RNF13: variants seen among roughly 807,000 people sequenced by gnomAD.
The protein encoded by RNF13 is E3 ubiquitin-protein ligase RNF13.
A neutral mutation model predicts 37.7 loss-of-function variants in RNF13; 19 were observed. The observed-to-expected ratio is 0.50, with a 90% CI of 0.35 to 0.74. The LOEUF (loss-of-function observed/expected upper bound fraction) is 0.74, where lower values mean the gene tolerates loss of function less well. Ranked by LOEUF, RNF13 falls within the 30% of genes least tolerant of loss-of-function variation. The probability of loss-of-function intolerance (pLI) is 0.01; values close to 1 mark genes in which losing one functional copy is unlikely to be tolerated. For synonymous variants in RNF13, 144 were observed against 157.8 expected, an observed-to-expected ratio of 0.91 and a Z score of 0.65; for missense variants, 375 against 453.0, an observed-to-expected ratio of 0.83 and a Z score of 1.56.
intron 4 of RNF13, among the ~76,000 whole-genome samples, chr3:149,892,476 C>T (rs1166694328): frequency 6.6e-6 from 1 of 152,156 alleles, no homozygotes; most frequent in Non-Finnish European, 1.5e-5. Context: ...GATTTAAGGA[C>T]CCCCTGGAGA....
At chr3:149,955,589 A>G (rs191451556) in intron 8 of RNF13, among the ~76,000 whole-genome samples, 1 of 152,294 alleles carries the variant, frequency 6.6e-6, no homozygotes, top group African/African-American at 2.4e-5. Context: ...GGGCAATTAA[A>G]AAGAATTCAG....
At chr3:149,879,234 AGTTT>A (rs1288315517) in intron 4 of RNF13, among the ~76,000 whole-genome samples, 9 of 152,084 alleles carry the variant, frequency 5.9e-5, no homozygotes, top group Non-Finnish European at 1.2e-4. Context: ...CTCAATACTT[AGTTT>A]AAGAGAGACC....
chr3:149,877,080 C>T lies in RNF13; in HGVS notation c.321+4926C>T, dbSNP rs572469055. Among the ~76,000 whole-genome samples the T allele has an allele frequency of 1.7e-4, 26 of 152,082 alleles. 2 individuals are homozygous for T. Among genetic ancestry groups the T allele is most frequent in the Admixed American group, 1.1e-3 (17 of 15,282 alleles). On this transcript the variant is annotated intron_variant, in intron 4 of 9. Transcript: ENST00000392894. ...CAGGCGTGAGCCACCACACCCGGCC[C>T]GTATCTTTTATATACTATTTAATCC...
chr3:149,859,559 C>G (rs1056294189), intron 3 of RNF13, among the ~76,000 whole-genome samples: 3 of 152,110 alleles, frequency 2.0e-5, no homozygotes, highest in Non-Finnish European at 4.4e-5. Context: ...TCAACACACT[C>G]CCTTCATTTT....
chr3:149,920,356 C>T (rs1717990463), intron 7 of RNF13, among the ~76,000 whole-genome samples: 1 of 152,130 alleles, frequency 6.6e-6, no homozygotes, highest in Admixed American at 6.5e-5. Context: ...ACACTTCAGC[C>T]GCCCAAGTAG....
intron 8 of RNF13, among the ~76,000 whole-genome samples, chr3:149,942,855 A>G (rs1198726279): frequency 1.3e-5 from 2 of 152,054 alleles, no homozygotes; most frequent in Non-Finnish European, 2.9e-5. Context: ...GACTTTTATT[A>G]TGCTGGGATA....
At chr3:149,939,367 CG>C in intron 8 of RNF13, 1 of 483,158 alleles carries the variant, frequency 2.1e-6, no homozygotes, top group Non-Finnish European at 4.0e-6. Flanking sequence ...CTGCCACCTC[CG>C]GGGGCAGATC....
chr3:149,954,994 A>G (rs1170175643), intron 8 of RNF13, among the ~76,000 whole-genome samples: 1 of 152,146 alleles, frequency 6.6e-6, no homozygotes. Flanking sequence ...TTCACTTAAC[A>G]TCCCTCTATT....
intron 4 of RNF13, among the ~76,000 whole-genome samples, chr3:149,884,727 C>T (rs924111268): frequency 5.3e-5 from 8 of 152,016 alleles, no homozygotes; most frequent in Non-Finnish European, 1.2e-4. Context: ...TCTATGACCT[C>T]GAGCATTTAT....
intron 6 of RNF13, among the ~76,000 whole-genome samples, chr3:149,907,445 T>C (rs954544573): frequency 2.6e-5 from 4 of 152,246 alleles, no homozygotes; most frequent in African/African-American, 9.6e-5. Context: ...TTCACTCTTT[T>C]AACTACTTTT....
chr3:149,831,354 A>T lies in RNF13; in HGVS notation c.-16-14657A>T, dbSNP rs183858672. Among the ~76,000 whole-genome samples, 31 of 152,356 alleles carry T rather than the reference A, an allele frequency of 2.0e-4. No individual in the cohort carries two copies. In the East Asian group the frequency reaches 6.0e-3, roughly 29 times the overall value. On this transcript the variant is annotated intron_variant, in intron 1 of 9. Transcript: ENST00000392894. ...GTACCCTGCAAAGCTACAGGAGCAG[A>T]ACTGCCCAAGTCTGCGGGAGCCCAC...
At chr3:149,946,640 A>G (rs1224818345) in intron 8 of RNF13, among the ~76,000 whole-genome samples, 2 of 152,146 alleles carry the variant, frequency 1.3e-5, no homozygotes, top group Non-Finnish European at 2.9e-5. Flanking sequence ...TTTTATTTCT[A>G]TGACATCAGT....
chr3:149,847,101 C>T (rs939588691), intron 2 of RNF13, among the ~76,000 whole-genome samples: 9 of 152,122 alleles, frequency 5.9e-5, no homozygotes, highest in Non-Finnish European at 1.3e-4. Context: ...TCAGTACGCA[C>T]CTCAACTTAT....
chr3:149,929,498 AG>A (rs1718968403), intron 8 of RNF13, among the ~76,000 whole-genome samples: 2 of 152,168 alleles, frequency 1.3e-5, no homozygotes, highest in Admixed American at 1.3e-4. Flanking sequence ...GAATAGGTGT[AG>A]TTTTACTTCT....
chr3:149,842,460 T>C (rs2108366410), intron 1 of RNF13, among the ~76,000 whole-genome samples: 1 of 152,350 alleles, frequency 6.6e-6, no homozygotes, highest in South Asian at 2.1e-4. Flanking sequence ...GGTCCTATGG[T>C]CCTTCTTTTA....
At chr3:149,831,914 A>G (rs891334306) in intron 1 of RNF13, among the ~76,000 whole-genome samples, 6 of 152,138 alleles carry the variant, frequency 3.9e-5, no homozygotes, top group Non-Finnish European at 7.4e-5. Flanking sequence ...AGGAAATTTT[A>G]TAGTGCCATA....
intron 2 of RNF13, among the ~76,000 whole-genome samples, chr3:149,850,333 C>T (rs1238403262): frequency 6.6e-6 from 1 of 152,170 alleles, no homozygotes; most frequent in Non-Finnish European, 1.5e-5. Context: ...GAGCATCGCT[C>T]CCCTCCCTCC....
At chr3:149,916,290 AAAT>A (rs1717500405) in intron 7 of RNF13, among the ~76,000 whole-genome samples, 1 of 152,198 alleles carries the variant, frequency 6.6e-6, no homozygotes, top group African/African-American at 2.4e-5. Flanking sequence ...TCATATACTC[AAAT>A]AACAATTTAA....
In RNF13 at chr3:149,854,971, G is replaced by A. The variant is rs541762124; in HGVS notation, c.195+2375G>A. Among the ~76,000 whole-genome samples the A allele has an allele frequency of 2.1e-4, 32 of 152,288 alleles. No homozygotes were observed. In the East Asian group the frequency reaches 3.9e-3, roughly 18 times the overall value. On this transcript the variant is annotated intron_variant, in intron 3 of 9. Coordinates refer to ENST00000392894, the MANE Select transcript of RNF13 (RefSeq NM_183381.3). ...AGCCTACTTTGGGAAGGTGGAATGCGTAGTGGGTTCAGAAAATTTGGAGCA... is the reference window on the plus strand; with the variant it reads ...AGCCTACTTTGGGAAGGTGGAATGCATAGTGGGTTCAGAAAATTTGGAGCA...
Sources: allele counts gnomAD v4.1 joint callset (sites outside exome capture counted in the v4.1 genomes callset), GRCh38; gene constraint gnomAD v4.1.1; transcripts MANE v1.5; gene names NCBI Gene and HGNC (gene_info 2026-07-23, HGNC 2026-07-21).